Variants in CTNND2 observed in about 807,000 individuals in gnomAD.
The protein encoded by CTNND2 is catenin delta 2.
CTNND2 carries 22 observed loss-of-function variants against 144.4 expected under a neutral mutation model. The ratio of observed to expected loss-of-function variants is 0.15; its 90% CI spans 0.11 to 0.22. The LOEUF (loss-of-function observed/expected upper bound fraction) is 0.22. CTNND2 is among the 10% of genes least tolerant of loss of function. The pLI is 1.00. For missense variants in CTNND2, 1,353 were observed against 1,618.8 expected (o/e 0.84, Z 2.82); for synonymous variants, 751 against 695.6 (o/e 1.08, Z -1.25).
intron 16 of CTNND2, among the ~76,000 whole-genome samples, chr5:11,065,000 C>G (rs1196628586): frequency 6.6e-6 from 1 of 152,176 alleles, no homozygotes. Context: ...TGTGGTTGTT[C>G]TTGTTACTGC....
chr5:11,679,969 T>C (rs939575704), intron 2 of CTNND2, among the ~76,000 whole-genome samples: 1 of 152,182 alleles, frequency 6.6e-6, no homozygotes, highest in Non-Finnish European at 1.5e-5. Context: ...TACAGAAGAA[T>C]AGAATCCAAG....
chr5:11,528,942 C>T (rs1773500909), intron 3 of CTNND2, among the ~76,000 whole-genome samples: 1 of 152,204 alleles, frequency 6.6e-6, no homozygotes, highest in Admixed American at 6.5e-5. Context: ...CTTCAAGAGA[C>T]ACACTTGAGT....
chr5:11,497,556 A>G (rs1770095793), intron 3 of CTNND2, among the ~76,000 whole-genome samples: 1 of 149,414 alleles, frequency 6.7e-6, no homozygotes, highest in Non-Finnish European at 1.5e-5. Flanking sequence ...CTGAGGCACA[A>G]AAGAACATGA....
chr5:11,304,973 C>CTTGCTGAA (rs1464665142), intron 9 of CTNND2, among the ~76,000 whole-genome samples: 1 of 144,564 alleles, frequency 6.9e-6, no homozygotes, highest in African/African-American at 2.5e-5. Context: ...TGCTTGCTTG[C>CTTGCTGAA]TGAATGAATG....
chr5:11,734,662 A>C (rs1787580900), intron 1 of CTNND2, among the ~76,000 whole-genome samples: 1 of 152,228 alleles, frequency 6.6e-6, no homozygotes, highest in Non-Finnish European at 1.5e-5. Context: ...GTAAATATTA[A>C]AAGATATTTT....
At chr5:11,777,389 A>G (rs1291476102) in intron 1 of CTNND2, among the ~76,000 whole-genome samples, 3 of 152,228 alleles carry the variant, frequency 2.0e-5, no homozygotes, top group African/African-American at 7.2e-5. Context: ...CTACCTTAGT[A>G]TTTCATAAGT....
chr5:11,327,595 G>C (rs1442821388), intron 9 of CTNND2, among the ~76,000 whole-genome samples: 1 of 152,176 alleles, frequency 6.6e-6, no homozygotes, highest in Non-Finnish European at 1.5e-5. Flanking sequence ...AAGGTCAAGT[G>C]ATCCTGGGGC....
intron 2 of CTNND2, among the ~76,000 whole-genome samples, chr5:11,617,048 T>A (rs770664213): frequency 1.3e-5 from 2 of 152,210 alleles, no homozygotes; most frequent in Non-Finnish European, 2.9e-5. Flanking sequence ...TAAAGCATCA[T>A]CCATCATATC....
chr5:11,595,658 A>G lies in CTNND2; in HGVS notation c.175-30602T>C, dbSNP rs555219878. ...GTTTCTCAAATGGAATGTATAGTTG[A>G]CCATCTCGGTAATAGTTCAGCTTTA... On this transcript the variant is annotated intron_variant, in intron 2 of 21. Coordinates refer to ENST00000304623, the MANE Select transcript of CTNND2 (RefSeq NM_001332.4). Among the ~76,000 whole-genome samples the G allele has an allele frequency of 7.9e-5, 12 of 152,256 alleles. No homozygotes were observed. In the South Asian group the frequency reaches 2.1e-3, roughly 26 times the overall value.
chr5:11,880,992 T>C (rs983935490), intron 1 of CTNND2, among the ~76,000 whole-genome samples: 1 of 147,494 alleles, frequency 6.8e-6, no homozygotes, highest in Non-Finnish European at 1.5e-5. Flanking sequence ...CTACTACTGC[T>C]ACTAGTACTA....
intron 3 of CTNND2, among the ~76,000 whole-genome samples, chr5:11,507,911 G>A (rs26164): frequency 2.0e-5 from 3 of 151,762 alleles, no homozygotes; most frequent in East Asian, 1.9e-4. Context: ...GGGAAACCTC[G>A]TTGAATGGGC....
chr5:11,517,925 C>A (rs1772330131), intron 3 of CTNND2, among the ~76,000 whole-genome samples: 2 of 152,134 alleles, frequency 1.3e-5, no homozygotes, highest in Non-Finnish European at 2.9e-5. Context: ...GATCTTCGGA[C>A]ACAGACAAAT....
chr5:11,208,781 T>C (rs1738314742), intron 10 of CTNND2, among the ~76,000 whole-genome samples: 2 of 152,144 alleles, frequency 1.3e-5, no homozygotes, highest in South Asian at 2.1e-4. Context: ...AAAGGACCGA[T>C]GCACACACAT....
chr5:11,519,553 A>T (rs1772527261), intron 3 of CTNND2, among the ~76,000 whole-genome samples: 2 of 149,860 alleles, frequency 1.3e-5, no homozygotes, highest in Non-Finnish European at 3.0e-5. Context: ...AGAGTGCTTC[A>T]GGCCTAGACG....
intron 2 of CTNND2, among the ~76,000 whole-genome samples, chr5:11,679,633 TG>T (rs1784337447): frequency 6.6e-6 from 1 of 152,194 alleles, no homozygotes; most frequent in Non-Finnish European, 1.5e-5. Context: ...GCTCATTTGG[TG>T]GTCCCTGTCT....
intron 9 of CTNND2, among the ~76,000 whole-genome samples, chr5:11,291,489 A>G (rs576428793): frequency 6.6e-6 from 1 of 152,016 alleles, no homozygotes; most frequent in Admixed American, 6.6e-5. Flanking sequence ...AATTCCTTAC[A>G]CAATTATTCT....
At chr5:11,795,152 G>A (rs1350495444) in intron 1 of CTNND2, among the ~76,000 whole-genome samples, 3 of 152,184 alleles carry the variant, frequency 2.0e-5, no homozygotes, top group Non-Finnish European at 4.4e-5. Context: ...AGTGTACTAC[G>A]TGCCCTGACT....
chr5:11,585,407 G>T (rs759518742), intron 2 of CTNND2, among the ~76,000 whole-genome samples: 17 of 151,730 alleles, frequency 1.1e-4, no homozygotes, highest in Non-Finnish European at 2.1e-4. Context: ...TTTGATGTTA[G>T]AAAAAAATGT....
chr5:11,198,123 C>T (rs1490193828), intron 11 of CTNND2, among the ~76,000 whole-genome samples: 3 of 152,080 alleles, frequency 2.0e-5, no homozygotes, highest in East Asian at 1.9e-4. Context: ...GTGTTCCTAA[C>T]CATAATGGTA....
Sources: allele counts gnomAD v4.1 joint callset (sites outside exome capture counted in the v4.1 genomes callset), GRCh38; gene constraint gnomAD v4.1.1; transcripts MANE v1.5; gene names NCBI Gene and HGNC (gene_info 2026-07-23, HGNC 2026-07-21).